Variants in RIMS2 observed in about 807,000 individuals in gnomAD.
The protein encoded by RIMS2 is regulating synaptic membrane exocytosis 2, also known as regulating synaptic membrane exocytosis protein 2.
Under a neutral mutation model 174.4 loss-of-function variants are expected in RIMS2, and 59 were observed. The ratio of observed to expected loss-of-function variants is 0.34; its 90% CI spans 0.27 to 0.42. The LOEUF is 0.42. Among genes scored for constraint, RIMS2 ranks in the 10% least tolerant of loss-of-function variants. RIMS2 has a pLI of 1.00. For missense variants in RIMS2, 1,620 were observed against 1,666.3 expected, an observed-to-expected ratio of 0.97 and a Z score of 0.48; for synonymous variants, 606 against 572.5, an observed-to-expected ratio of 1.06 and a Z score of -0.84.
At chr8:103,813,293 T>C (rs1392233232) in intron 3 of RIMS2, among the ~76,000 whole-genome samples, 1 of 152,204 alleles carries the variant, frequency 6.6e-6, no homozygotes, top group Non-Finnish European at 1.5e-5. Flanking sequence ...GATTCTTTCA[T>C]TTAATTTTTG....
intron 1 of RIMS2, among the ~76,000 whole-genome samples, chr8:103,676,499 AT>A (rs746553896): frequency 3.9e-5 from 6 of 152,222 alleles, no homozygotes; most frequent in Non-Finnish European, 7.4e-5. Context: ...TCAGAACAGG[AT>A]ATTAATTAAG....
chr8:103,926,540 T>G (rs764663220), intron 10 of RIMS2, among the ~76,000 whole-genome samples: 2 of 151,598 alleles, frequency 1.3e-5, no homozygotes, highest in Non-Finnish European at 3.0e-5. Flanking sequence ...TGCTTTCCTT[T>G]GGGTTTTAGA....
At chr8:103,785,683 T>C (rs1433262707) in intron 3 of RIMS2, among the ~76,000 whole-genome samples, 7 of 152,184 alleles carry the variant, frequency 4.6e-5, no homozygotes, top group African/African-American at 1.7e-4. Flanking sequence ...AGTATTTTAT[T>C]GAGGATTTTT....
At chr8:103,636,041 C>T (rs575807742) in intron 1 of RIMS2, among the ~76,000 whole-genome samples, 1 of 152,158 alleles carries the variant, frequency 6.6e-6, no homozygotes, top group Non-Finnish European at 1.5e-5. Context: ...TGGATCCCTT[C>T]TACTCCAGGT....
intron 3 of RIMS2, among the ~76,000 whole-genome samples, chr8:103,775,095 C>G (rs536265645): frequency 1.3e-5 from 2 of 152,014 alleles, no homozygotes; most frequent in Admixed American, 6.5e-5. Context: ...TTATAGAATG[C>G]TGATAGTGTA....
chr8:103,829,041 TG>T (rs2098808785), intron 3 of RIMS2, among the ~76,000 whole-genome samples: 1 of 151,984 alleles, frequency 6.6e-6, no homozygotes, highest in Non-Finnish European at 1.5e-5. Flanking sequence ...AGGATTGCTT[TG>T]GCTATTTGGG....
At chr8:103,692,647 G>C (rs1294842927) in intron 1 of RIMS2, among the ~76,000 whole-genome samples, 4 of 152,170 alleles carry the variant, frequency 2.6e-5, no homozygotes, top group African/African-American at 9.7e-5. Flanking sequence ...CAGGGCAGTG[G>C]GTTCCTTTCT....
chr8:104,043,144 A>T (rs946530319), intron 19 of RIMS2, among the ~76,000 whole-genome samples: 1 of 151,584 alleles, frequency 6.6e-6, no homozygotes, highest in Admixed American at 6.6e-5. Flanking sequence ...TGCCTTATTG[A>T]TTCAGTCAAG....
rs58977048 is a variant in RIMS2, at chr8:103,880,186, A to G, written c.699-5112A>G. Among the ~76,000 whole-genome samples the G allele has an allele frequency of 4.6e-3, 700 of 151,772 alleles. 7 individuals carry two copies. Among genetic ancestry groups the G allele is most frequent in the African/African-American group, 0.016 (663 of 41,514 alleles). On this transcript the variant is annotated intron_variant, in intron 3 of 23. Coordinates refer to ENST00000504942, the Ensembl canonical transcript of RIMS2. ...GAAAGCTTAAGCAGCACAATTATCA[A>G]TAACAAGCACATAGTTATTTTAGAA...
chr8:104,245,211 C>T (rs1203711544), intron 20 of RIMS2, among the ~76,000 whole-genome samples, 154 bp downstream of exon 26: 1 of 152,240 alleles, frequency 6.6e-6, no homozygotes, highest in Non-Finnish European at 1.5e-5. Context: ...TCACCTGCCA[C>T]TGAACAATGT....
intron 4 of RIMS2, among the ~76,000 whole-genome samples, chr8:103,907,163 T>C (rs2074596811): frequency 6.6e-6 from 1 of 152,258 alleles, no homozygotes; most frequent in African/African-American, 2.4e-5. Flanking sequence ...ACCAACAGTT[T>C]CTGATTCATT....
At chr8:104,146,705 T>C (rs1449814778) in intron 19 of RIMS2, among the ~76,000 whole-genome samples, 1 of 152,146 alleles carries the variant, frequency 6.6e-6, no homozygotes, top group Non-Finnish European at 1.5e-5. Context: ...TAAAAATTTC[T>C]TTTTCTTTTT....
intron 19 of RIMS2, among the ~76,000 whole-genome samples, chr8:104,166,811 T>C (rs1202091821): frequency 6.6e-6 from 1 of 152,068 alleles, no homozygotes; most frequent in African/African-American, 2.4e-5. Flanking sequence ...CCAAAGTCCA[T>C]TATATCATTC....
Sources: gnomAD v4.1 joint callset for allele counts (sites outside exome capture counted in the v4.1 genomes callset) on GRCh38, gnomAD v4.1.1 for gene constraint, MANE v1.5 for transcripts, NCBI Gene and HGNC (gene_info 2026-07-23, HGNC 2026-07-21) for gene names.